The following SLC9A9 variants were observed in gnomAD, a reference collection of about 807,000 sequenced individuals.
SLC9A9 encodes the protein solute carrier family 9 member A9, also known as sodium/hydrogen exchanger 9.
In SLC9A9, 62 loss-of-function variants were observed where a neutral mutation model predicts 77.8. The ratio of observed to expected loss-of-function variants is 0.80; its 90% CI spans 0.65 to 0.98. SLC9A9 has a LOEUF of 0.98. SLC9A9 is among the 50% of genes least tolerant of loss of function. The probability of loss-of-function intolerance (pLI) is 0.00; values close to 1 mark genes in which losing one functional copy is unlikely to be tolerated. For missense variants in SLC9A9, 775 were observed against 774.9 expected, an observed-to-expected ratio of 1.00 and a Z score of 0.00; for synonymous variants, 320 against 283.5, an observed-to-expected ratio of 1.13 and a Z score of -1.29.
chr3:143,549,448 G>A (rs1330256649), intron 9 of SLC9A9, among the ~76,000 whole-genome samples: 1 of 152,066 alleles, frequency 6.6e-6, no homozygotes, highest in Non-Finnish European at 1.5e-5. Context: ...AATGAAGAAA[G>A]GGATGAAAAT....
At chr3:143,751,811 G>A (rs2006725838) in intron 4 of SLC9A9, among the ~76,000 whole-genome samples, 1 of 152,230 alleles carries the variant, frequency 6.6e-6, no homozygotes, top group Non-Finnish European at 1.5e-5. Context: ...AAAGAAAGCA[G>A]CTGGGGGTAC....
At chr3:143,415,493 TG>T (rs2034176113) in intron 12 of SLC9A9, among the ~76,000 whole-genome samples, 1 of 152,202 alleles carries the variant, frequency 6.6e-6, no homozygotes, top group Non-Finnish European at 1.5e-5. Context: ...TATGCTAAAT[TG>T]ACTCTGCCTA....
chr3:143,520,363 C>G (rs9873052), intron 9 of SLC9A9, among the ~76,000 whole-genome samples: 3 of 151,876 alleles, frequency 2.0e-5, no homozygotes, highest in African/African-American at 7.3e-5. Context: ...CCATCATGTG[C>G]GGATACAGCA....
At chr3:143,558,573 G>T (rs2037027367) in intron 8 of SLC9A9, among the ~76,000 whole-genome samples, 1 of 152,132 alleles carries the variant, frequency 6.6e-6, no homozygotes, top group Admixed American at 6.5e-5. Context: ...GGAACTTTAA[G>T]GTTTAATGAC....
At chr3:143,616,131 C>T (rs1271033168) in intron 6 of SLC9A9, among the ~76,000 whole-genome samples, 1 of 152,156 alleles carries the variant, frequency 6.6e-6, no homozygotes, top group East Asian at 1.9e-4. Context: ...GATCCGCCCG[C>T]CTCGGCCTCC....
chr3:143,564,488 G>T (rs568983082), intron 8 of SLC9A9, among the ~76,000 whole-genome samples: 1 of 152,122 alleles, frequency 6.6e-6, no homozygotes, highest in East Asian at 1.9e-4. Flanking sequence ...GAGGTTGATG[G>T]GTTATTCTTC....
At chr3:143,618,341 A>T (rs1323837302) in intron 6 of SLC9A9, among the ~76,000 whole-genome samples, 1 of 152,162 alleles carries the variant, frequency 6.6e-6, no homozygotes, top group Non-Finnish European at 1.5e-5. Context: ...GGTCTTTGGA[A>T]GGGAGTGTAA....
At chr3:143,446,615 G>T (rs535258487) in intron 12 of SLC9A9, among the ~76,000 whole-genome samples, 1 of 152,260 alleles carries the variant, frequency 6.6e-6, no homozygotes, top group Non-Finnish European at 1.5e-5. Flanking sequence ...GTCTAAGGTG[G>T]AAAGTTGTCA....
intron 5 of SLC9A9, among the ~76,000 whole-genome samples, chr3:143,668,562 C>T (rs1242837387): frequency 1.3e-5 from 2 of 152,096 alleles, no homozygotes; most frequent in African/African-American, 4.8e-5. Flanking sequence ...CTTTCACTTC[C>T]TTTTTTGAAT....
intron 4 of SLC9A9, among the ~76,000 whole-genome samples, chr3:143,724,833 T>A (rs895043659): frequency 4.6e-5 from 7 of 152,240 alleles, no homozygotes; most frequent in South Asian, 4.1e-4. Context: ...ATGACATTCC[T>A]AGGGACTAGA....
At chr3:143,661,999 A>AG (rs1201574365) in intron 5 of SLC9A9, among the ~76,000 whole-genome samples, 1 of 152,200 alleles carries the variant, frequency 6.6e-6, no homozygotes. Flanking sequence ...TACAATCTCA[A>AG]GGAGTGGAAC....
At chr3:143,655,438 G>T in intron 5 of SLC9A9, 2 of 979,856 alleles carry the variant, frequency 2.0e-6, no homozygotes, top group Non-Finnish European at 2.4e-6. Context: ...GATGCAATCC[G>T]ATTTCTTAAA....
At chr3:143,738,666 T>A (rs1359934469) in intron 4 of SLC9A9, among the ~76,000 whole-genome samples, 3 of 152,114 alleles carry the variant, frequency 2.0e-5, no homozygotes, top group Non-Finnish European at 4.4e-5. Context: ...ACTGCCTCCA[T>A]TATAGATGCC....
chr3:143,802,921 G>T (rs972605225), intron 2 of SLC9A9, among the ~76,000 whole-genome samples: 4 of 152,094 alleles, frequency 2.6e-5, no homozygotes, highest in African/African-American at 9.7e-5. Context: ...CCAGACACCA[G>T]CCCTCTAGGT....
At chr3:143,380,110 A>G (rs144314264) in intron 13 of SLC9A9, among the ~76,000 whole-genome samples, 79 of 152,288 alleles carry the variant, frequency 5.2e-4, no homozygotes, top group African/African-American at 1.8e-3. Flanking sequence ...AAAGGTGTAA[A>G]CACCTTGCCC....
At chr3:143,297,449 A>G (rs1316482668) in intron 14 of SLC9A9, among the ~76,000 whole-genome samples, 3 of 152,180 alleles carry the variant, frequency 2.0e-5, no homozygotes, top group Non-Finnish European at 4.4e-5. Flanking sequence ...TTTGTAGTAT[A>G]ATTTGAAATC....
At chr3:143,430,535 G>A (rs1401473234) in intron 12 of SLC9A9, among the ~76,000 whole-genome samples, 2 of 152,132 alleles carry the variant, frequency 1.3e-5, no homozygotes, top group African/African-American at 4.8e-5. Context: ...AGTCTACCTG[G>A]GGCCCTGTGG....
chr3:143,646,606 C>A (rs1361501884), intron 6 of SLC9A9, among the ~76,000 whole-genome samples: 1 of 152,074 alleles, frequency 6.6e-6, no homozygotes, highest in African/African-American at 2.4e-5. Flanking sequence ...ACTCAACCAA[C>A]TAGTAACCAT....
chr3:143,488,412 C>A (rs1394891574), intron 11 of SLC9A9, among the ~76,000 whole-genome samples: 1 of 151,940 alleles, frequency 6.6e-6, no homozygotes, highest in Non-Finnish European at 1.5e-5. Flanking sequence ...ATAAAGCCAG[C>A]ATTACTCTGA....
Sources: gnomAD v4.1 joint callset for allele counts (sites outside exome capture counted in the v4.1 genomes callset) on GRCh38, gnomAD v4.1.1 for gene constraint, MANE v1.5 for transcripts, NCBI Gene and HGNC (gene_info 2026-07-23, HGNC 2026-07-21) for gene names.